USP39: variants seen among roughly 807,000 people sequenced by gnomAD.
The protein encoded by USP39 is ubiquitin specific peptidase 39, also known as ubiquitin carboxyl-terminal hydrolase 39.
Under a neutral mutation model 66.4 loss-of-function variants are expected in USP39, and 38 were observed. That is an observed-to-expected ratio of 0.57 (90% confidence interval 0.44 to 0.75). The LOEUF is 0.75. Ranked by LOEUF, USP39 falls within the 30% of genes least tolerant of loss-of-function variation. USP39 has a pLI of 0.00. For synonymous variants in USP39, 303 were observed against 274.6 expected, an observed-to-expected ratio of 1.10 and a Z score of -1.02; for missense variants, 608 against 714.4, an observed-to-expected ratio of 0.85 and a Z score of 1.70.
At chr2:85,645,495 G>A (rs905466922) in intron 11 of USP39, among the ~76,000 whole-genome samples, 1 of 152,014 alleles carries the variant, frequency 6.6e-6, no homozygotes, top group African/African-American at 2.4e-5. Flanking sequence ...TCTTGGCCAG[G>A]CCAGTCTTGA....
chr2:85,611,964 G>A, upstream of USP39: 1 of 1,545,288 alleles, frequency 6.5e-7, no homozygotes, highest in South Asian at 1.2e-5. Context: ...GCCCCGGCCG[G>A]GGATGCGGCC....
intron 5 of USP39, 58 bp from the exon 6 acceptor site, chr2:85,630,663 C>A: frequency 1.3e-6 from 2 of 1,522,568 alleles, no homozygotes; most frequent in South Asian, 1.2e-5. Context: ...ATTGGAAGAG[C>A]TTGGCTCAAG....
In USP39 at chr2:85,616,378, G is replaced by C; in HGVS notation, c.183G>C (p.Glu61Asp). ...AGTTCGAGCCGGCGAGCGCGCGCGA[G>C]GCCCCGGCTTCTGTTGTCCCGTTTG... ...KREFEPASAR[E>D]APASVVPFVR... The change falls in exon 1 of 13, where the codon GAG becomes GAC. Residue 61 changes from glutamate (E) to aspartate (D), a missense_variant. Physicochemically the swap from Glu to Asp is conservative, Grantham distance 45 (BLOSUM62 2). Around this residue, in one of 6 missense-constraint regions of USP39, gnomAD observed 207 missense variants for 145.7 expected, o/e 1.42. Coordinates refer to ENST00000323701, the MANE Select transcript of USP39 (RefSeq NM_006590.4). The C allele has an allele frequency of 6.2e-7, 1 of 1,602,556 alleles. No homozygotes were observed.
At chr2:85,647,863 A>G (rs1186563129) in intron 11 of USP39, 67 bp from the exon 12 acceptor site, 30 of 1,481,824 alleles carry the variant, frequency 2.0e-5, no homozygotes, top group Non-Finnish European at 2.6e-5. Context: ...CTTGGCTATG[A>G]TCCTTTCCTT....
upstream of USP39, chr2:85,616,144 C>T (rs1420755696): frequency 1.4e-6 from 2 of 1,401,580 alleles, no homozygotes; most frequent in Non-Finnish European, 1.9e-6. Flanking sequence ...CCTTGTGCCG[C>T]GCGCTCGAGC....
At position 85,629,997 on chromosome 2, in the gene USP39, G is replaced by A. The variant is rs190123693; in HGVS notation, c.724-724G>A. Among the ~76,000 whole-genome samples the A allele has an allele frequency of 3.5e-3, 525 of 152,090 alleles. 5 individuals carry two copies. The highest frequency in any genetic ancestry group is 0.012 in the African/African-American group (510 of 41,518). On this transcript the variant is annotated intron_variant, in intron 5 of 12. Transcript: ENST00000323701. ...AAAAAAATTTCAGTAGGTTTTTGGG[G>A]AACAGGTGGTTTTTGGTTACATGAA... is the stretch of plus-strand genomic sequence containing the variant.
chr2:85,640,086 A>G (rs1676110171), intron 9 of USP39, among the ~76,000 whole-genome samples: 1 of 151,772 alleles, frequency 6.6e-6, no homozygotes, highest in Non-Finnish European at 1.5e-5. Flanking sequence ...TGCCCAGGCC[A>G]TTCTTTAACT....
intron 2 of USP39, 66 bp downstream of exon 2, chr2:85,619,355 C>G: frequency 6.5e-7 from 1 of 1,543,360 alleles, no homozygotes; most frequent in Non-Finnish European, 8.9e-7. Context: ...AGTTTTTGGA[C>G]TGTACAGTGA....
intron 3 of USP39, 45 bp downstream of exon 3, chr2:85,621,624 C>A: frequency 2.7e-6 from 3 of 1,102,322 alleles, no homozygotes; most frequent in Non-Finnish European, 3.8e-6. Flanking sequence ...TCCAGAGGGA[C>A]TTTTTTTTTT....
chr2:85,640,689 T>C (rs893128576), intron 9 of USP39, among the ~76,000 whole-genome samples: 2 of 150,262 alleles, frequency 1.3e-5, no homozygotes, highest in Non-Finnish European at 3.0e-5. Context: ...TCAAGGCTGG[T>C]CTCGAACTCC....
At chr2:85,625,834 A>G (rs1237582917) in intron 5 of USP39, 143 bp downstream of exon 5, 19 of 1,015,872 alleles carry the variant, frequency 1.9e-5, no homozygotes, top group Admixed American at 3.0e-5. Flanking sequence ...CCTGGCCAAC[A>G]TGGAGAAACC....
chr2:85,620,454 G>A (rs1674374793), intron 2 of USP39, among the ~76,000 whole-genome samples: 1 of 151,672 alleles, frequency 6.6e-6, no homozygotes. Context: ...ACTCCAGCCT[G>A]GATGACAAAG....
intron 11 of USP39, among the ~76,000 whole-genome samples, chr2:85,646,443 C>CT (rs760462409): frequency 2.0e-4 from 30 of 152,264 alleles, no homozygotes; most frequent in Middle Eastern, 3.4e-3. Flanking sequence ...TCAGTATCAT[C>CT]TTTTTTACAG....
intron 1 of USP39, among the ~76,000 whole-genome samples, chr2:85,618,351 C>T (rs866180820): frequency 1.5e-4 from 23 of 151,772 alleles, no homozygotes; most frequent in South Asian, 4.2e-4. Flanking sequence ...ATCGCAAGGT[C>T]AGGAGTTCGA....
Position 85,625,610 on chromosome 2 carries a change from A to T in USP39, c.642A>T (p.Ala214=). The T allele has an allele frequency of 6.2e-7, 1 of 1,614,142 alleles. No individual in the cohort carries two copies. The highest frequency in any genetic ancestry group is 8.5e-7 in the Non-Finnish European group (1 of 1,179,976). The change falls in exon 5 of 13, where the codon GCA becomes GCT. Residue 214 remains alanine, a synonymous_variant. Transcript: ENST00000323701. ...ACAAGCAAGCCAAATTGTCCCGGGC[A>T]TATGATGGTACCACTTACCTGCCGG... ...NLDKQAKLSR[A]YDGTTYLPGI...
chr2:85,645,265 T>A, intron 11 of USP39, 182 bp downstream of exon 11: 2 of 643,178 alleles, frequency 3.1e-6, no homozygotes, highest in Non-Finnish European at 5.0e-6. Flanking sequence ...CACATTGGAC[T>A]CACCTTGGGA....
At chr2:85,624,308 A>G (rs1674684994) in intron 4 of USP39, among the ~76,000 whole-genome samples, 1 of 151,316 alleles carries the variant, frequency 6.6e-6, no homozygotes, top group African/African-American at 2.4e-5. Context: ...CCTTTTCAGC[A>G]CGTGGGGTGT....
Position 85,626,324 on chromosome 2 carries a change from A to G in USP39, c.723+633A>G, listed in dbSNP as rs374471494. On this transcript the variant is annotated intron_variant, in intron 5 of 12. Transcript: ENST00000323701. Reference sequence around the variant, plus strand: ...CAGTGAGCTGAGATCACGTCACTGCACTCCAGCCTGGGCAAGAAGAGCGAA... The same window carrying G: ...CAGTGAGCTGAGATCACGTCACTGCGCTCCAGCCTGGGCAAGAAGAGCGAA... Among the ~76,000 whole-genome samples the G allele has an allele frequency of 5.3e-5, 8 of 152,164 alleles. No homozygotes were observed. The East Asian group carries it at 5.8e-4, about 11-fold the overall frequency.
At chr2:85,612,138 G>A (rs1673595722), upstream of USP39, 7 of 872,956 alleles carry the variant, frequency 8.0e-6, no homozygotes, top group Middle Eastern at 3.0e-4. Context: ...TGCAGCGCAC[G>A]GAGTTTTCGG....
Sources: gnomAD v4.1 joint callset for allele counts (sites outside exome capture counted in the v4.1 genomes callset) on GRCh38, gnomAD v4.1.1 for gene constraint, gnomAD v4.1.1 regional missense constraint, MANE v1.5 for transcripts, NCBI Gene and HGNC (gene_info 2026-07-23, HGNC 2026-07-21) for gene names.